STXBP5: variants seen among roughly 807,000 people sequenced by gnomAD.
STXBP5 encodes syntaxin-binding protein 5.
STXBP5 carries 50 observed loss-of-function variants against 152.4 expected under a neutral mutation model. The observed-to-expected ratio is 0.33, with a 90% CI of 0.26 to 0.42. The LOEUF (loss-of-function observed/expected upper bound fraction) is 0.42, where lower values mean the gene tolerates loss of function less well. Ranked by LOEUF, STXBP5 falls within the 10% of genes least tolerant of loss-of-function variation. STXBP5 has a pLI of 1.00. For synonymous variants in STXBP5, 492 were observed against 494.7 expected (o/e 0.99, Z 0.07); for missense variants, 1,167 against 1,388.6 (o/e 0.84, Z 2.54).
At chr6:147,303,143 G>T (rs767612822) in intron 9 of STXBP5, among the ~76,000 whole-genome samples, 1 of 152,028 alleles carries the variant, frequency 6.6e-6, no homozygotes, top group Non-Finnish European at 1.5e-5. Context: ...GATGATTTTT[G>T]TTTTGTCAAT....
intron 23 of STXBP5, 115 bp from the exon 24 acceptor site, chr6:147,363,220 G>A: frequency 8.9e-7 from 1 of 1,127,724 alleles, no homozygotes; most frequent in East Asian, 2.6e-5. Context: ...CCAGTGTTCA[G>A]TTCAATATGC....
rs115701478 is a variant in STXBP5 at position 147,256,715 on chromosome 6, A to G, written c.432-3900A>G. Among the ~76,000 whole-genome samples, 1,234 of 152,306 alleles carry G rather than the reference A, an allele frequency of 8.1e-3. 19 individuals carry two copies. Among genetic ancestry groups the G allele is most frequent in the African/African-American group, 0.028 (1,184 of 41,568 alleles). ...CAGGCCGTAAGGATGGAGAGGGAGT[A>G]CGCTGGGAATGTCTGATTGTTTTAT... On this transcript the variant is annotated intron_variant, in intron 4 of 27. Transcript: ENST00000321680.
At chr6:147,312,516 G>A (rs1286696395) in intron 11 of STXBP5, among the ~76,000 whole-genome samples, 5 of 152,142 alleles carry the variant, frequency 3.3e-5, no homozygotes, top group Non-Finnish European at 7.4e-5. Context: ...GATCTCTGTG[G>A]AAACCTTTTC....
intron 2 of STXBP5, among the ~76,000 whole-genome samples, chr6:147,207,585 T>C (rs1776635970): frequency 6.6e-6 from 1 of 152,166 alleles, no homozygotes; most frequent in Non-Finnish European, 1.5e-5. Flanking sequence ...ATTTTGTCAG[T>C]GTGGGCCCTG....
intron 21 of STXBP5, among the ~76,000 whole-genome samples, chr6:147,345,944 G>A (rs923925697): frequency 2.6e-5 from 4 of 152,066 alleles, no homozygotes; most frequent in African/African-American, 7.2e-5. Flanking sequence ...CCTTATTCAG[G>A]TTTATAAGAA....
At chr6:147,350,379 A>G (rs1321989747) in intron 21 of STXBP5, among the ~76,000 whole-genome samples, 1 of 152,118 alleles carries the variant, frequency 6.6e-6, no homozygotes, top group Non-Finnish European at 1.5e-5. Flanking sequence ...TTCTGCTGGT[A>G]AATTTTTTGG....
At chr6:147,368,549 C>T (rs1468751621) in intron 25 of STXBP5, among the ~76,000 whole-genome samples, 1 of 152,110 alleles carries the variant, frequency 6.6e-6, no homozygotes, top group Non-Finnish European at 1.5e-5. Flanking sequence ...TTCTTTCTCC[C>T]TGAAATCAGC....
rs539789238 is a variant in STXBP5, at chr6:147,390,133, A to G, written c.*5378A>G. On this transcript the variant is annotated 3_prime_UTR_variant, in exon 28 of 28. Coordinates refer to ENST00000321680, the MANE Select transcript of STXBP5 (RefSeq NM_001127715.4). ...TGCTCAGTCCCAGTAACTATCTCAA[A>G]GGTAATTGCTGGAATATGCATTTTG... 1 of 152,048 alleles carries G rather than the reference A, an allele frequency of 6.6e-6. No homozygotes were observed. The highest frequency in any genetic ancestry group is 2.1e-4 in the South Asian group (1 of 4,822). The allele number at this position is 152,048 out of a possible 1,614,324, so 9.4% of individuals were successfully genotyped here. A position where few individuals can be genotyped will look rare whatever the true frequency, so the allele number is the denominator to read the frequency against.
At chr6:147,251,625 G>A (rs1195724187) in intron 4 of STXBP5, among the ~76,000 whole-genome samples, 2 of 152,178 alleles carry the variant, frequency 1.3e-5, no homozygotes, top group African/African-American at 4.8e-5. Flanking sequence ...ATCTCCCTGC[G>A]ACAGAGCACT....
chr6:147,291,876 G>A (rs1781293210), intron 9 of STXBP5, among the ~76,000 whole-genome samples: 1 of 152,032 alleles, frequency 6.6e-6, no homozygotes, highest in Non-Finnish European at 1.5e-5. Context: ...ATTTGCTATA[G>A]CTATGTTGGA....
intron 21 of STXBP5, among the ~76,000 whole-genome samples, chr6:147,345,319 A>G (rs1784276635): frequency 6.6e-6 from 1 of 152,128 alleles, no homozygotes; most frequent in Admixed American, 6.5e-5. Context: ...AGCATGGGAG[A>G]TAGACATTGG....
rs765084169 is a variant in STXBP5, at chr6:147,267,084, C to G, written c.631C>G (p.Leu211Val). 42 of 1,607,538 alleles carry G rather than the reference C, an allele frequency of 2.6e-5. No homozygotes were observed. Among genetic ancestry groups the G allele is most frequent in the Admixed American group, 8.6e-5 (5 of 58,202 alleles). ...AATGTGCCTTTTTCTTTTATCACAG[C>G]TTTTGATTGGCTTTGAATCTGGAAC... ...ISDNPMDEGK[L>V]LIGFESGTVV... is the part of the protein sequence containing the mutation. The change falls in exon 7 of 28, where the codon CTT becomes GTT. Residue 211 changes from leucine to valine, a missense_variant and splice_region_variant. Transcript: ENST00000321680.
At position 147,267,130 on chromosome 6, in the gene STXBP5, A is replaced by T. The variant is rs1172569818; in HGVS notation, c.677A>T (p.Lys226Ile). 5 of 1,610,250 alleles carry T rather than the reference A, an allele frequency of 3.1e-6. No homozygotes were observed. Among genetic ancestry groups the T allele is most frequent in the Non-Finnish European group, 3.4e-6 (4 of 1,178,706 alleles). ...ESGTVVLWDL[K>I]SKKADYRYTY... ...GGAACAGTAGTTTTATGGGACCTCA[A>T]ATCAAAGAAAGCCGACTACAGATAC... The change falls in exon 7 of 28, where the codon AAA becomes ATA. Residue 226 changes from lysine (K) to isoleucine (I), a missense_variant. Coordinates refer to ENST00000321680, the MANE Select transcript of STXBP5 (RefSeq NM_001127715.4).
At chr6:147,230,552 G>A (rs1228004424) in intron 2 of STXBP5, among the ~76,000 whole-genome samples, 1 of 151,894 alleles carries the variant, frequency 6.6e-6, no homozygotes, top group African/African-American at 2.4e-5. Flanking sequence ...TAAGTACCCA[G>A]TTGTGAAACG....
Position 147,347,919 on chromosome 6 carries a change from ATTAAT to A in STXBP5, c.2255-5398_2255-5394del, listed in dbSNP as rs530421942. Among the ~76,000 whole-genome samples the A allele has an allele frequency of 1.1e-4, 17 of 152,358 alleles. No individual in the cohort carries two copies. The East Asian group carries it at 2.3e-3, about 21-fold the overall frequency. On this transcript the variant is annotated intron_variant, in intron 21 of 27. Coordinates refer to ENST00000321680, the MANE Select transcript of STXBP5 (RefSeq NM_001127715.4). ...AAGGATGATATCAGATGGATGTTCA[ATTAAT>A]TTAATGATTATTTCTGGTTAGCAGG... is the stretch of plus-strand genomic sequence containing the variant.
rs1783720368 is a variant in STXBP5, at chr6:147,334,220, C to G, written c.2144C>G (p.Ser715Cys). The G allele has an allele frequency of 6.2e-7, 1 of 1,610,918 alleles. No individual in the cohort carries two copies. Among genetic ancestry groups the G allele is most frequent in the African/African-American group, 1.3e-5 (1 of 74,788 alleles). Residue 715 changes from serine (S) to cysteine (C), a missense_variant and splice_region_variant, in exon 19 of 28, where the codon TCT becomes TGT. By Grantham distance (112) the Ser-to-Cys change is moderately radical. Coordinates refer to ENST00000321680, the MANE Select transcript of STXBP5 (RefSeq NM_001127715.4). ...GAGGATCGCTGCAAATCTCCAACCTCTGGTAATTTGGTTTTTTTTTATTTC... is the reference window on the plus strand; with the variant it reads ...GAGGATCGCTGCAAATCTCCAACCTGTGGTAATTTGGTTTTTTTTTATTTC... ...VPEDRCKSPT[S>C]GSSSPHNSDD... is the part of the protein sequence containing the mutation.
chr6:147,247,387 G>A (rs1778862026), intron 4 of STXBP5, among the ~76,000 whole-genome samples: 1 of 152,180 alleles, frequency 6.6e-6, no homozygotes, highest in African/African-American at 2.4e-5. Context: ...TGGGGGATCT[G>A]CTACTCTGGA....
intron 6 of STXBP5, among the ~76,000 whole-genome samples, chr6:147,263,962 G>A (rs1779764689): frequency 6.6e-6 from 1 of 151,612 alleles, no homozygotes; most frequent in Non-Finnish European, 1.5e-5. Flanking sequence ...ATTTATACAG[G>A]TTTCTATTTG....
intron 25 of STXBP5, among the ~76,000 whole-genome samples, chr6:147,372,754 AAACTCTTCTT>A (rs1785622586): frequency 6.6e-6 from 1 of 151,676 alleles, no homozygotes; most frequent in Non-Finnish European, 1.5e-5. Flanking sequence ...TGTCTTAGAA[AAACTCTTCTT>A]TCCTCTTTTT....
Sources: allele counts gnomAD v4.1 joint callset (sites outside exome capture counted in the v4.1 genomes callset), GRCh38; gene constraint gnomAD v4.1.1; transcripts MANE v1.5; gene names NCBI Gene and HGNC (gene_info 2026-07-23, HGNC 2026-07-21).